The following ZNF699 variants were observed in gnomAD, a reference collection of about 807,000 sequenced individuals.
ZNF699 encodes hangover homolog.
ZNF699 carries 18 observed loss-of-function variants against 22.5 expected under a neutral mutation model. That is an observed-to-expected ratio of 0.80 (90% CI 0.55 to 1.19). The LOEUF (loss-of-function observed/expected upper bound fraction) is 1.19, where lower values mean the gene tolerates loss of function less well. Ranked by LOEUF, ZNF699 falls within the 50% of genes most tolerant of loss-of-function variation. The pLI is 0.00. For missense variants in ZNF699, 670 were observed against 763.4 expected, an observed-to-expected ratio of 0.88 and a Z score of 1.44; for synonymous variants, 241 against 262.3, an observed-to-expected ratio of 0.92 and a Z score of 0.78.
At chr19:9,302,570 G>A in intron 2 of ZNF699, 66 bp from the exon 3 acceptor site, 2 of 1,499,114 alleles carry the variant, frequency 1.3e-6, no homozygotes, top group South Asian at 1.3e-5. Context: ...GAGGACAGAT[G>A]AGGCTCACAA....
intron 1 of ZNF699, among the ~76,000 whole-genome samples, chr19:9,306,373 C>T (rs1411143620): frequency 1.4e-5 from 2 of 146,440 alleles, no homozygotes; most frequent in African/African-American, 5.0e-5. Context: ...GCCTGGGAGA[C>T]AGAGCGAGAC....
intron 3 of ZNF699, among the ~76,000 whole-genome samples, chr19:9,299,249 C>T (rs2066298246): frequency 6.6e-6 from 1 of 152,244 alleles, no homozygotes; most frequent in South Asian, 2.1e-4. Context: ...ATTCTCCTGC[C>T]TCAGCCTCCT....
At chr19:9,306,438 G>A (rs180828199) in intron 1 of ZNF699, among the ~76,000 whole-genome samples, 21 of 150,304 alleles carry the variant, frequency 1.4e-4, no homozygotes, top group African/African-American at 4.9e-4. Flanking sequence ...TGTGGTATCT[G>A]CAGTGCTGTT....
rs776024137 is a variant in ZNF699 at position 9,296,554 on chromosome 19, A to G, written c.850T>C (p.Cys284Arg). The G allele has an allele frequency of 3.1e-6, 5 of 1,614,206 alleles. No homozygotes were observed. In the Admixed American group the frequency reaches 8.3e-5, roughly 27 times the overall value. The change falls in exon 6 of 6, where the codon TGT (cysteine) becomes CGT (arginine). Residue 284 changes from cysteine (C) to arginine (R), a missense_variant. Cys to Arg is a radical substitution (Grantham distance 180). Coordinates refer to ENST00000591998, the MANE Select transcript of ZNF699 (RefSeq NM_198535.3). Reference protein sequence around the residue: ...IGKTNYECKECGKGFSCSSSL... With the variant: ...IGKTNYECKERGKGFSCSSSL... ...GAGGAACAACTAAAACCTTTCCCAC[A>G]TTCTTTACATTCATAGTTTGTCTTT... is the stretch of plus-strand genomic sequence containing the variant.
Position 9,307,046 on chromosome 19 carries a change from C to T in ZNF699, c.-5-1922G>A, listed in dbSNP as rs529137329. ...CGAAACCCTGTCTCTACTAAAACTA[C>T]AAAAATCAGCCGGGCATGGTGGCGC... On this transcript the variant is annotated intron_variant, in intron 1 of 5. Transcript: ENST00000591998. Among the ~76,000 whole-genome samples the T allele has an allele frequency of 1.8e-4, 27 of 152,192 alleles. No homozygotes were observed. In the South Asian group the frequency reaches 5.0e-3, roughly 28 times the overall value.
chr19:9,295,373 C>G lies in ZNF699; in HGVS notation c.*102G>C, dbSNP rs1299203593. On this transcript the variant is annotated 3_prime_UTR_variant, in exon 6 of 6. Transcript: ENST00000591998. ...CTCAAATCTTCAAAACGATGAGCAA[C>G]AATTTCCTACTTTCTTACATTCATA... 4.1e-6 allele frequency: 6 copies of G among 1,451,396 alleles called. No individual in the cohort carries two copies. In the African/African-American group the frequency reaches 8.5e-5, roughly 21 times the overall value. 89.9% of individuals were successfully genotyped at this position (1,451,396 alleles called of 1,614,324 possible). A position where few individuals can be genotyped will look rare whatever the true frequency, so the allele number is the denominator to read the frequency against.
chr19:9,305,071 C>A lies in ZNF699; in HGVS notation c.48+1G>T. The stretch of plus-strand genomic sequence containing the variant: ...TTGGACAATTATCACCTTTTACTTA[C>A]CTGTATTCTATTTTTCTGTAACTCA... On this transcript the variant is annotated splice_donor_variant, in intron 2 of 5. Coordinates refer to ENST00000591998, the MANE Select transcript of ZNF699 (RefSeq NM_198535.3). LOFTEE classifies it high-confidence loss of function. The A allele has an allele frequency of 6.2e-7, 1 of 1,611,988 alleles. No individual in the cohort carries two copies. The highest frequency in any genetic ancestry group is 1.3e-5 in the African/African-American group (1 of 74,964).
chr19:9,296,536 A>G lies in ZNF699; in HGVS notation c.868T>C (p.Cys290Arg). The G allele has an allele frequency of 1.9e-6, 3 of 1,614,016 alleles. No individual in the cohort carries two copies. Among genetic ancestry groups the G allele is most frequent in the South Asian group, 2.2e-5 (2 of 91,080 alleles). ...ECKECGKGFS[C>R]SSSLTEHKRI... ...TTGTGTTCTGTGAGCGATGAGGAAC[A>G]ACTAAAACCTTTCCCACATTCTTTA... Residue 290 changes from cysteine (C) to arginine (R), a missense_variant, in exon 6 of 6, where the codon TGT becomes CGT. By Grantham distance (180) the Cys-to-Arg change is radical. Coordinates refer to ENST00000591998, the MANE Select transcript of ZNF699 (RefSeq NM_198535.3).
chr19:9,304,976 A>G, intron 2 of ZNF699, 96 bp downstream of exon 2: 2 of 917,494 alleles, frequency 2.2e-6, no homozygotes, highest in Non-Finnish European at 3.4e-6. Context: ...TATGTGGTCC[A>G]ATACAGAAAG....
At chr19:9,296,977 A>G in intron 5 of ZNF699, 44 bp from the exon 6 acceptor site, 1 of 1,423,118 alleles carries the variant, frequency 7.0e-7, no homozygotes, top group Admixed American at 2.4e-5. Flanking sequence ...AATTTCTACC[A>G]ATTTCAGTGA....
At chr19:9,304,508 A>G (rs1287299478) in intron 2 of ZNF699, among the ~76,000 whole-genome samples, 2 of 152,250 alleles carry the variant, frequency 1.3e-5, no homozygotes, top group Non-Finnish European at 2.9e-5. Flanking sequence ...ACTATGGCAC[A>G]TGGACTATAT....
In ZNF699 at chr19:9,296,580, C is replaced by G; in HGVS notation, c.824G>C (p.Gly275Ala). The G allele has an allele frequency of 1.2e-6, 2 of 1,614,160 alleles. No individual in the cohort carries two copies. The highest frequency in any genetic ancestry group is 1.7e-6 in the Non-Finnish European group (2 of 1,180,018). ...FFRAHMKIHI[G>A]KTNYECKECG... ...TTCTTTACATTCATAGTTTGTCTTTCCGATGTGAATCTTCATATGTGCCCT... is the reference window on the plus strand; with the variant it reads ...TTCTTTACATTCATAGTTTGTCTTTGCGATGTGAATCTTCATATGTGCCCT... The change falls in exon 6 of 6, where the codon GGA (glycine) becomes GCA (alanine). Residue 275 changes from glycine to alanine, a missense_variant. Transcript: ENST00000591998.
intron 2 of ZNF699, among the ~76,000 whole-genome samples, chr19:9,304,120 C>T (rs888178546): frequency 2.6e-5 from 4 of 151,976 alleles, no homozygotes; most frequent in Non-Finnish European, 4.4e-5. Flanking sequence ...CGTGCCCAGC[C>T]CCAAATATGT....
chr19:9,303,151 T>G (rs1404435908), intron 2 of ZNF699, among the ~76,000 whole-genome samples: 3 of 152,224 alleles, frequency 2.0e-5, no homozygotes, highest in Non-Finnish European at 4.4e-5. Context: ...ACACCAGATG[T>G]GTGGGGGATA....
chr19:9,300,564 G>C lies in ZNF699; in HGVS notation c.175+1814C>G, dbSNP rs537124429. On this transcript the variant is annotated intron_variant, in intron 3 of 5. Transcript: ENST00000591998. Reference sequence around the variant, plus strand: ...CAAGAAGTCCTTCAGTAGGTGAATGGATAAACCGTGGTACATCCAGACAAT... The same window carrying C: ...CAAGAAGTCCTTCAGTAGGTGAATGCATAAACCGTGGTACATCCAGACAAT... Among the ~76,000 whole-genome samples the C allele has an allele frequency of 2.6e-5, 4 of 152,314 alleles. 1 individual carries two copies. Among genetic ancestry groups the C allele is most frequent in the African/African-American group, 9.6e-5 (4 of 41,562 alleles).
At position 9,296,440 on chromosome 19, in the gene ZNF699, G is replaced by A. The variant is rs2066286728; in HGVS notation, c.964C>T (p.Leu322Phe). ...CTGTGAATTCTTTTGTGTTTGGAGA[G>A]TGAGGAGGAACAACTGAAGGCCTTC... The part of the protein sequence containing the change: ...CGKAFSCSSS[L>F]SKHKRIHSGD... The change falls in exon 6 of 6, where the codon CTC becomes TTC. Residue 322 changes from leucine to phenylalanine, a missense_variant. By Grantham distance (22) the Leu-to-Phe change is conservative. Coordinates refer to ENST00000591998, the MANE Select transcript of ZNF699 (RefSeq NM_198535.3). The A allele has an allele frequency of 1.9e-6, 3 of 1,612,924 alleles. No individual in the cohort carries two copies. The highest frequency in any genetic ancestry group is 2.2e-5 in the South Asian group (2 of 91,008).
rs1183168676 is a variant in ZNF699, at chr19:9,296,450, A to G, written c.954T>C (p.Cys318=). 1 of 1,613,976 alleles carries G rather than the reference A, an allele frequency of 6.2e-7. No homozygotes were observed. The highest frequency in any genetic ancestry group is 1.3e-5 in the African/African-American group (1 of 74,898). The change falls in exon 6 of 6, where the codon TGT becomes TGC. Residue 318 remains cysteine (C), a synonymous_variant. Transcript: ENST00000591998. Reference sequence around the variant, plus strand: ...TTTTGTGTTTGGAGAGTGAGGAGGAACAACTGAAGGCCTTCCCACATTCCT... The same window carrying G: ...TTTTGTGTTTGGAGAGTGAGGAGGAGCAACTGAAGGCCTTCCCACATTCCT... ...ECKECGKAFS[C]SSSLSKHKRI...
At chr19:9,302,263 C>G (rs2066310275) in intron 3 of ZNF699, 115 bp downstream of exon 3, 2 of 1,241,394 alleles carry the variant, frequency 1.6e-6, no homozygotes, top group African/African-American at 3.0e-5. Context: ...GTGACCATAT[C>G]TGTCTTACTT....
intron 3 of ZNF699, among the ~76,000 whole-genome samples, chr19:9,300,754 CAG>C (rs1396642672): frequency 1.3e-5 from 2 of 152,100 alleles, no homozygotes; most frequent in Non-Finnish European, 2.9e-5. Context: ...ATTATGGAGA[CAG>C]AAAGATCAGT....
Sources: gnomAD v4.1 joint callset for allele counts (sites outside exome capture counted in the v4.1 genomes callset) on GRCh38, gnomAD v4.1.1 for gene constraint, MANE v1.5 for transcripts, NCBI Gene and HGNC (gene_info 2026-07-23, HGNC 2026-07-21) for gene names.